Variants in GNB1L observed in about 807,000 individuals in gnomAD.
GNB1L encodes G protein subunit beta 1 like.
A neutral mutation model predicts 29.1 loss-of-function variants in GNB1L; 20 were observed. The observed-to-expected ratio is 0.69, with a 90% CI of 0.48 to 1.00. The LOEUF is 1.00. GNB1L is among the 50% of genes least tolerant of loss of function. The pLI is 0.00. For missense variants in GNB1L, 421 were observed against 464.9 expected (o/e 0.91, Z 0.87); for synonymous variants, 193 against 206.5 (o/e 0.93, Z 0.56).
At chr22:19,836,986 A>G (rs897313432) in intron 2 of GNB1L, among the ~76,000 whole-genome samples, 2 of 143,032 alleles carry the variant, frequency 1.4e-5, no homozygotes, top group African/African-American at 5.2e-5. Context: ...TTTTTTTTTG[A>G]GATGGAGTCT....
At chr22:19,843,212 TAC>T (rs1432953997) in intron 2 of GNB1L, among the ~76,000 whole-genome samples, 2 of 152,238 alleles carry the variant, frequency 1.3e-5, no homozygotes, top group Non-Finnish European at 2.9e-5. Context: ...CCCTAATTAT[TAC>T]AGAGGGCCAG....
intron 7 of GNB1L, among the ~76,000 whole-genome samples, chr22:19,795,374 G>A (rs1315760181): frequency 2.0e-5 from 3 of 152,046 alleles, no homozygotes; most frequent in Non-Finnish European, 2.9e-5. Context: ...CCAAAAGATC[G>A]GTAAGGATAT....
Position 19,816,836 on chromosome 22 carries a change from A to G in GNB1L, c.254+3762T>C, listed in dbSNP as rs9306225. Among the ~76,000 whole-genome samples the G allele has an allele frequency of 0.037, 5,656 of 152,128 alleles. 319 individuals carry two copies. The highest frequency in any genetic ancestry group is 0.12 in the African/African-American group (5,124 of 41,462). The stretch of plus-strand genomic sequence containing the variant: ...GACATGCCCAACAAGCGAGCCTGCC[A>G]CCTGCCCTCACCAACCTCCTGGCCT... On this transcript the variant is annotated intron_variant, in intron 4 of 7. Coordinates refer to ENST00000329517, the MANE Select transcript of GNB1L (RefSeq NM_053004.3). The surrounding 1 kb of genome is among the most constrained non-coding windows in gnomAD (Gnocchi z 4.4).
intron 7 of GNB1L, among the ~76,000 whole-genome samples, chr22:19,800,643 G>T (rs143493434): frequency 6.6e-6 from 1 of 152,304 alleles, no homozygotes; most frequent in African/African-American, 2.4e-5. Flanking sequence ...CCTTCCTCCC[G>T]GGGAGACATG....
intron 2 of GNB1L, among the ~76,000 whole-genome samples, chr22:19,836,170 A>C (rs1937761606): frequency 6.6e-6 from 1 of 152,004 alleles, no homozygotes; most frequent in Admixed American, 6.5e-5. Context: ...AACTGACAAC[A>C]ATAAAAAGAG....
chr22:19,830,444 C>T (rs1937663544), intron 2 of GNB1L, among the ~76,000 whole-genome samples: 1 of 151,678 alleles, frequency 6.6e-6, no homozygotes, highest in Admixed American at 6.6e-5. Flanking sequence ...TCCATTTATA[C>T]CAAAGAAGAT....
chr22:19,805,399 G>C (rs1274572209), intron 6 of GNB1L, among the ~76,000 whole-genome samples: 1 of 152,228 alleles, frequency 6.6e-6, no homozygotes, highest in African/African-American at 2.4e-5. Flanking sequence ...ATCCGGTCTC[G>C]CTCTCATGAG....
At chr22:19,809,246 C>T (rs1937470964) in intron 5 of GNB1L, among the ~76,000 whole-genome samples, 1 of 151,792 alleles carries the variant, frequency 6.6e-6, no homozygotes, top group African/African-American at 2.4e-5. Context: ...AGCACACCGA[C>T]AGAGGCTGGC....
intron 5 of GNB1L, among the ~76,000 whole-genome samples, chr22:19,809,726 G>T (rs532358626): frequency 1.3e-5 from 2 of 152,178 alleles, no homozygotes; most frequent in African/African-American, 4.8e-5. Context: ...TGCACGCCCC[G>T]GGAGGGGATA....
At chr22:19,849,810 G>A in intron 2 of GNB1L, 1 of 985,440 alleles carries the variant, frequency 1.0e-6, no homozygotes. Flanking sequence ...AAACCTGAAA[G>A]GGACTTGAAC....
intron 2 of GNB1L, chr22:19,848,914 A>C (rs1938028492): frequency 1.0e-6 from 1 of 985,348 alleles, no homozygotes; most frequent in African/African-American, 1.7e-5. Flanking sequence ...CTGGGTGACT[A>C]GGCTGTCCAT....
chr22:19,828,145 C>T (rs1937634555), intron 2 of GNB1L, among the ~76,000 whole-genome samples: 1 of 152,130 alleles, frequency 6.6e-6, no homozygotes, highest in Admixed American at 6.5e-5. Flanking sequence ...TACTCCTTGA[C>T]TCAGAATATG....
At chr22:19,849,629 A>C (rs951190830) in intron 2 of GNB1L, 1 of 938,992 alleles carries the variant, frequency 1.1e-6, no homozygotes, top group African/African-American at 1.8e-5. Flanking sequence ...GGCCTCCCAG[A>C]GTGCTGGGAT....
At chr22:19,819,962 A>G (rs904006325) in intron 4 of GNB1L, among the ~76,000 whole-genome samples, 5 of 152,118 alleles carry the variant, frequency 3.3e-5, no homozygotes, top group Non-Finnish European at 7.4e-5. Flanking sequence ...CCAGCCACAT[A>G]GCCGTATGTG....
chr22:19,820,941 AC>A (rs1937573545), intron 3 of GNB1L, among the ~76,000 whole-genome samples: 1 of 152,152 alleles, frequency 6.6e-6, no homozygotes, highest in Non-Finnish European at 1.5e-5. Context: ...TCTAGGGGTA[AC>A]TCAGGCAGAT....
intron 2 of GNB1L, among the ~76,000 whole-genome samples, chr22:19,832,022 A>G (rs1234335519): frequency 6.6e-6 from 1 of 152,130 alleles, no homozygotes; most frequent in Non-Finnish European, 1.5e-5. Flanking sequence ...AAAACTCTGG[A>G]CAAAATATAA....
chr22:19,804,539 C>A (rs1555900432), intron 6 of GNB1L, among the ~76,000 whole-genome samples: 1 of 151,474 alleles, frequency 6.6e-6, no homozygotes, highest in Non-Finnish European at 1.5e-5. Context: ...TAAGAATATA[C>A]TAAAAATTAA....
Position 19,837,217 on chromosome 22 carries a change from C to T in GNB1L, c.-20-15842G>A, listed in dbSNP as rs184929058. On this transcript the variant is annotated intron_variant, in intron 2 of 7. Coordinates refer to ENST00000329517, the MANE Select transcript of GNB1L (RefSeq NM_053004.3). ...TCCTGACCTCGTGATCCACCCGCCT[C>T]GGCCTCCCAAAGTGCTGGGATTACA... is the stretch of plus-strand genomic sequence containing the variant. Among the ~76,000 whole-genome samples, 1,014 of 151,928 alleles carry T rather than the reference C, an allele frequency of 6.7e-3. 8 individuals are homozygous for T. Among genetic ancestry groups the T allele is most frequent in the Non-Finnish European group, 0.012 (817 of 67,948 alleles).
intron 2 of GNB1L, among the ~76,000 whole-genome samples, chr22:19,828,835 CT>C (rs539568221): frequency 0.021 from 2,908 of 141,648 alleles, 65 homozygotes; most frequent in African/African-American, 0.065. Context: ...TACTCTTTTT[CT>C]TTTTTTTTTT....
Sources: gnomAD v4.1 joint callset for allele counts (sites outside exome capture counted in the v4.1 genomes callset) on GRCh38, gnomAD v4.1.1 for gene constraint, Gnocchi (gnomAD v3.1) non-coding constraint, MANE v1.5 for transcripts, NCBI Gene and HGNC (gene_info 2026-07-23, HGNC 2026-07-21) for gene names.